The following RMDN2 variants were observed in gnomAD, a reference collection of about 807,000 sequenced individuals.
RMDN2 encodes regulator of microtubule dynamics protein 2.
A neutral mutation model predicts 52.8 loss-of-function variants in RMDN2; 61 were observed. That is an observed-to-expected ratio of 1.16 (90% CI 0.94 to 1.43). RMDN2 has a LOEUF of 1.43. Among genes scored for constraint, RMDN2 ranks in the 40% most tolerant of loss-of-function variants. RMDN2 has a pLI of 0.00. For missense variants in RMDN2, 592 were observed against 475.3 expected, an observed-to-expected ratio of 1.25 and a Z score of -2.28; for synonymous variants, 180 against 153.1, an observed-to-expected ratio of 1.18 and a Z score of -1.30.
intron 2 of RMDN2, among the ~76,000 whole-genome samples, chr2:37,949,151 A>G (rs1668485804): frequency 6.6e-6 from 1 of 152,220 alleles, no homozygotes; most frequent in South Asian, 2.1e-4. Flanking sequence ...ATTGCTACAG[A>G]GACAGACAGT....
rs553070847 is a variant in RMDN2 at position 37,964,070 on chromosome 2, C to A, written c.453-9970C>A. 1.6e-3 allele frequency among the ~76,000 whole-genome samples: 238 copies of A among 151,828 alleles called. 4 individuals carry two copies. Among genetic ancestry groups the A allele is most frequent in the African/African-American group, 5.0e-3 (207 of 41,406 alleles). On this transcript the variant is annotated intron_variant, in intron 2 of 10. Coordinates refer to ENST00000354545, the MANE Select transcript of RMDN2 (RefSeq NM_001170791.3). ...CCTCCCTCCCGGACGTGGCGGCTGC[C>A]GGGCGGAGGCGCTCCTCACTTCCCA...
intron 8 of RMDN2, 76 bp from the exon 9 acceptor site, chr2:38,003,915 A>G: frequency 8.9e-7 from 1 of 1,127,880 alleles, no homozygotes; most frequent in Non-Finnish European, 1.3e-6. Flanking sequence ...ATTTATTTAA[A>G]TATATTCTCT....
At chr2:38,033,178 C>T (rs1483362617) in intron 10 of RMDN2, 1 of 152,200 alleles carries the variant, frequency 6.6e-6, no homozygotes, top group Non-Finnish European at 1.5e-5. Context: ...TTCATGTGCT[C>T]ATTTGGCTTC....
chr2:38,049,428 C>G (rs1412375724), intron 10 of RMDN2, among the ~76,000 whole-genome samples: 2 of 152,166 alleles, frequency 1.3e-5, no homozygotes, highest in African/African-American at 4.8e-5. Flanking sequence ...CCTTCAAATC[C>G]CTGCTAAGAG....
intron 10 of RMDN2, chr2:38,036,749 A>T (rs544256589): frequency 1.3e-5 from 2 of 152,408 alleles, no homozygotes; most frequent in South Asian, 4.1e-4. Flanking sequence ...GTCTGATGAT[A>T]ACACATACAG....
At chr2:37,929,829 C>T (rs1402741614) in intron 2 of RMDN2, 100 bp downstream of exon 2, 7 of 748,588 alleles carry the variant, frequency 9.4e-6, no homozygotes, top group African/African-American at 5.4e-5. Context: ...TATCCTGCTG[C>T]TCACATAAAA....
intron 4 of RMDN2, 30 bp from the exon 5 acceptor site, chr2:37,981,253 G>A (rs1276226404): frequency 2.3e-6 from 3 of 1,293,382 alleles, no homozygotes; most frequent in Admixed American, 1.7e-5. Context: ...TCACATGAAG[G>A]TATTAAGTGT....
chr2:38,027,387 G>C (rs1277375288), intron 10 of RMDN2: 2 of 152,170 alleles, frequency 1.3e-5, no homozygotes, highest in Middle Eastern at 3.4e-3. Flanking sequence ...GATTTTGAAA[G>C]CCAGAAGTTG....
chr2:38,039,390 C>T (rs1337416080), intron 10 of RMDN2: 3 of 152,150 alleles, frequency 2.0e-5, no homozygotes, highest in African/African-American at 4.8e-5. Flanking sequence ...TCCTGGGCAC[C>T]CCCAGGCACT....
chr2:37,927,839 G>A (rs1666411519), intron 1 of RMDN2, among the ~76,000 whole-genome samples: 1 of 152,126 alleles, frequency 6.6e-6, no homozygotes, highest in African/African-American at 2.4e-5. Context: ...TACACATCTA[G>A]CAATAATTAG....
intron 2 of RMDN2, among the ~76,000 whole-genome samples, chr2:37,973,207 C>T (rs1020143230): frequency 2.0e-5 from 3 of 152,130 alleles, no homozygotes; most frequent in African/African-American, 7.2e-5. Flanking sequence ...CTTTTTAGAA[C>T]AGGCAGAGTC....
intron 2 of RMDN2, among the ~76,000 whole-genome samples, chr2:37,960,334 G>GGT (rs1220921247): frequency 2.5e-5 from 3 of 118,308 alleles, no homozygotes; most frequent in Non-Finnish European, 4.9e-5. Context: ...TCCTGTATTG[G>GGT]GTGTATATAT....
downstream of RMDN2, chr2:38,017,868 T>G (rs1009161721): frequency 7.1e-5 from 13 of 183,244 alleles, no homozygotes; most frequent in Non-Finnish European, 1.3e-4. Context: ...AAGGTAAGGG[T>G]GGGGCCATTT....
At chr2:37,979,408 C>T (rs562873002) in intron 4 of RMDN2, among the ~76,000 whole-genome samples, 2 of 152,264 alleles carry the variant, frequency 1.3e-5, no homozygotes, top group East Asian at 3.9e-4. Flanking sequence ...GGCAGGGGCT[C>T]AGACCAGCCG....
intron 2 of RMDN2, chr2:37,951,989 A>G: frequency 1.2e-6 from 2 of 1,613,310 alleles, no homozygotes; most frequent in East Asian, 2.2e-5. Flanking sequence ...GTTACAGCAC[A>G]GATCATTCTC....
intron 7 of RMDN2, among the ~76,000 whole-genome samples, chr2:37,996,889 C>T (rs1420944838): frequency 2.0e-5 from 3 of 152,004 alleles, no homozygotes; most frequent in Non-Finnish European, 2.9e-5. Context: ...TATAGTGGGT[C>T]CCCATTCCCT....
chr2:37,952,046 C>A (rs546075969), intron 2 of RMDN2: 3 of 1,613,436 alleles, frequency 1.9e-6, no homozygotes, highest in Admixed American at 3.3e-5. Flanking sequence ...CTTTCCCATT[C>A]CTCCATAAAG....
chr2:38,017,511 T>G lies in RMDN2; in HGVS notation c.*272T>G. On this transcript the variant is annotated 3_prime_UTR_variant, in exon 11 of 11. Transcript: ENST00000354545. The stretch of plus-strand genomic sequence containing the variant: ...CAATAAACTGCAGCCTTAAGAATAT[T>G]TCTTTAAATAAAATATTTAAATCCA... 9.0e-7 allele frequency: 1 copy of G among 1,106,818 alleles called. No individual in the cohort carries two copies. Among genetic ancestry groups the G allele is most frequent in the Non-Finnish European group, 1.2e-6 (1 of 833,774 alleles). The allele number at this position is 1,106,818 out of a possible 1,614,324, so 68.6% of individuals were successfully genotyped here.
In RMDN2 at chr2:37,991,788, C is replaced by G. The variant is rs548155495; in HGVS notation, c.945+491C>G. On this transcript the variant is annotated intron_variant, in intron 7 of 10. Coordinates refer to ENST00000354545, the MANE Select transcript of RMDN2 (RefSeq NM_001170791.3). Reference sequence around the variant, plus strand: ...TAACTGGCCAGGGATGAATAAAACACTCCTTGCTTTTAAGGAACTTAATTT... The same window carrying G: ...TAACTGGCCAGGGATGAATAAAACAGTCCTTGCTTTTAAGGAACTTAATTT... Among the ~76,000 whole-genome samples the G allele has an allele frequency of 1.5e-4, 23 of 152,274 alleles. No homozygotes were observed. The East Asian group carries it at 4.4e-3, about 29-fold the overall frequency.
Sources: gnomAD v4.1 joint callset for allele counts (sites outside exome capture counted in the v4.1 genomes callset) on GRCh38, gnomAD v4.1.1 for gene constraint, MANE v1.5 for transcripts, NCBI Gene and HGNC (gene_info 2026-07-23, HGNC 2026-07-21) for gene names.